The following PHLPP1 variants were observed in gnomAD, a reference collection of about 807,000 sequenced individuals.
The protein encoded by PHLPP1 is PH domain and leucine rich repeat protein phosphatase 1.
In PHLPP1, 42 loss-of-function variants were observed where a neutral mutation model predicts 117.2. The ratio of observed to expected loss-of-function variants is 0.36; its 90% confidence interval spans 0.28 to 0.46. The LOEUF (loss-of-function observed/expected upper bound fraction) is 0.46, where lower values mean the gene tolerates loss of function less well. Ranked by LOEUF, PHLPP1 falls within the 20% of genes least tolerant of loss-of-function variation. PHLPP1 has a pLI of 1.00. For synonymous variants in PHLPP1, 1,042 were observed against 970.7 expected, an observed-to-expected ratio of 1.07 and a Z score of -1.37; for missense variants, 2,084 against 2,241.9, an observed-to-expected ratio of 0.93 and a Z score of 1.42.
rs550277825 is a variant in PHLPP1, at chr18:62,833,831, T to TAACA, written c.1773+3602_1773+3605dup. 1.5e-3 allele frequency among the ~76,000 whole-genome samples: 228 copies of TAACA among 152,326 alleles called. 2 individuals carry two copies. The highest frequency in any genetic ancestry group is 5.1e-3 in the African/African-American group (211 of 41,578). ...TGCTTTCAGTTTGTTGTTGTTATAA[T>TAACA]AACAACAGTGCTGCTGCTATAGTCT... On this transcript the variant is annotated intron_variant, in intron 2 of 16. Coordinates refer to ENST00000262719, the MANE Select transcript of PHLPP1 (RefSeq NM_194449.4).
chr18:62,949,344 G>A (rs1368096804), intron 12 of PHLPP1, among the ~76,000 whole-genome samples: 2 of 152,202 alleles, frequency 1.3e-5, no homozygotes, highest in Non-Finnish European at 2.9e-5. Context: ...GTACTGAGAT[G>A]TATGCTAAAA....
chr18:62,766,918 G>A (rs574814893), intron 1 of PHLPP1, among the ~76,000 whole-genome samples: 1 of 152,084 alleles, frequency 6.6e-6, no homozygotes, highest in African/African-American at 2.4e-5. Flanking sequence ...AAGATAAACT[G>A]TCTACAGATG....
chr18:62,869,401 T>A (rs773248686), intron 4 of PHLPP1, among the ~76,000 whole-genome samples: 4 of 152,176 alleles, frequency 2.6e-5, no homozygotes, highest in Non-Finnish European at 5.9e-5. Context: ...GTGTATAACT[T>A]GATGGATTTC....
intron 2 of PHLPP1, among the ~76,000 whole-genome samples, chr18:62,837,385 CTCT>C (rs1914934831): frequency 6.6e-6 from 1 of 152,076 alleles, no homozygotes; most frequent in Non-Finnish European, 1.5e-5. Flanking sequence ...TCATAATATT[CTCT>C]TCTTAATCTC....
intron 3 of PHLPP1, among the ~76,000 whole-genome samples, chr18:62,857,942 C>T (rs1008700555): frequency 6.6e-6 from 1 of 152,200 alleles, no homozygotes; most frequent in African/African-American, 2.4e-5. Flanking sequence ...TTTCTATAAA[C>T]AGGTTCCCAT....
chr18:62,766,076 A>AAATATATATATATAT, intron 1 of PHLPP1, among the ~76,000 whole-genome samples: 19 of 21,654 alleles, frequency 8.8e-4, no homozygotes, highest in South Asian at 7.0e-3. Context: ...AAAAAAAAAA[A>AAATATATATATATAT]ATATATATAT....
At chr18:62,824,593 T>G (rs1175060626) in intron 1 of PHLPP1, among the ~76,000 whole-genome samples, 1 of 152,066 alleles carries the variant, frequency 6.6e-6, no homozygotes, top group Admixed American at 6.6e-5. Flanking sequence ...ATATCTTATT[T>G]TATACTTTAT....
chr18:62,788,878 G>C (rs1339115908), intron 1 of PHLPP1, among the ~76,000 whole-genome samples: 2 of 151,692 alleles, frequency 1.3e-5, no homozygotes, highest in Admixed American at 6.6e-5. Context: ...TTTTTCTGTT[G>C]TGCAAAGGGA....
At position 62,716,305 on chromosome 18, in the gene PHLPP1, G is replaced by A. The variant is rs1392562371; in HGVS notation, c.622G>A (p.Asp208Asn). 24 of 1,531,200 alleles carry A rather than the reference G, an allele frequency of 1.6e-5. 1 individual carries two copies. Among genetic ancestry groups the A allele is most frequent in the Non-Finnish European group, 1.8e-5 (21 of 1,145,318 alleles). The allele number at this position is 1,531,200 out of a possible 1,614,324, so 94.9% of individuals were successfully genotyped here. ...QLQRGCVHVF[D>N]RHMASTYLRP... ...CCAGCGCGGCTGCGTGCACGTCTTC[G>A]ACCGCCACATGGCCTCGACCTACCT... The change falls in exon 1 of 17, where the codon GAC (aspartate) becomes AAC (asparagine). Residue 208 changes from aspartate to asparagine, a missense_variant. Transcript: ENST00000262719. This position sits in a 1 kb window ranked among gnomAD's most constrained non-coding sequence, Gnocchi z 5.7.
At position 62,979,084 on chromosome 18, in the gene PHLPP1, G is replaced by A; in HGVS notation, c.4807G>A (p.Glu1603Lys). 2.5e-6 allele frequency: 4 copies of A among 1,613,914 alleles called. No homozygotes were observed. The highest frequency in any genetic ancestry group is 1.7e-5 in the Admixed American group (1 of 60,014). Reference protein sequence around the residue: ...EGIVISANEDEPGLPRKADFS... With the variant: ...EGIVISANEDKPGLPRKADFS... ...CATTGTCATCAGCGCCAACGAGGAT[G>A]AGCCAGGTCTGCCCAGGAAGGCAGA... Residue 1603 changes from glutamate to lysine, a missense_variant, in exon 17 of 17, where the codon GAG (glutamate) becomes AAG (lysine). By Grantham distance (56) the Glu-to-Lys change is moderately conservative. Transcript: ENST00000262719.
chr18:62,871,335 TG>T (rs1915895452), intron 4 of PHLPP1, among the ~76,000 whole-genome samples: 3 of 152,108 alleles, frequency 2.0e-5, no homozygotes. Context: ...TTTTTGTTTT[TG>T]TTTTTTTTGA....
intron 1 of PHLPP1, among the ~76,000 whole-genome samples, chr18:62,721,993 T>A (rs1334806395): frequency 6.6e-6 from 1 of 152,202 alleles, no homozygotes; most frequent in Non-Finnish European, 1.5e-5. Flanking sequence ...TGAATTTAAT[T>A]TGTGGAATTT....
chr18:62,884,378 A>G (rs1053744101), intron 4 of PHLPP1, among the ~76,000 whole-genome samples: 2 of 152,250 alleles, frequency 1.3e-5, no homozygotes, highest in Admixed American at 1.3e-4. Context: ...ATGTGCTTCT[A>G]TAGTTGGACT....
intron 16 of PHLPP1, among the ~76,000 whole-genome samples, chr18:62,976,758 G>T (rs931286431): frequency 6.6e-6 from 1 of 152,116 alleles, no homozygotes; most frequent in Non-Finnish European, 1.5e-5. Flanking sequence ...TTCTCTACTG[G>T]ACTATAAGCT....
intron 10 of PHLPP1, among the ~76,000 whole-genome samples, chr18:62,937,258 G>A (rs1395283420): frequency 6.6e-6 from 1 of 152,238 alleles, no homozygotes; most frequent in Non-Finnish European, 1.5e-5. Context: ...AAATGGATTT[G>A]TCTCACTGTT....
chr18:62,807,933 G>A (rs1336975875), intron 1 of PHLPP1, among the ~76,000 whole-genome samples: 1 of 151,990 alleles, frequency 6.6e-6, no homozygotes, highest in Admixed American at 6.6e-5. Context: ...TATAAACACT[G>A]GACACTTAGG....
intron 10 of PHLPP1, among the ~76,000 whole-genome samples, chr18:62,935,115 A>G (rs1407017077): frequency 6.6e-6 from 1 of 152,248 alleles, no homozygotes; most frequent in African/African-American, 2.4e-5. Context: ...TTAACATGAT[A>G]GTATACTTGG....
chr18:62,874,263 T>G (rs1915980236), intron 4 of PHLPP1, among the ~76,000 whole-genome samples: 1 of 151,498 alleles, frequency 6.6e-6, no homozygotes, highest in African/African-American at 2.4e-5. Flanking sequence ...ATCCCAGCAC[T>G]TTGGGAGGCC....
chr18:62,754,589 C>G (rs560785184), intron 1 of PHLPP1, among the ~76,000 whole-genome samples: 1 of 152,156 alleles, frequency 6.6e-6, no homozygotes, highest in Non-Finnish European at 1.5e-5. Flanking sequence ...GAGAAAGCTT[C>G]GTGTACTTTG....
Sources: gnomAD v4.1 joint callset for allele counts (sites outside exome capture counted in the v4.1 genomes callset) on GRCh38, gnomAD v4.1.1 for gene constraint, Gnocchi (gnomAD v3.1) non-coding constraint, MANE v1.5 for transcripts, NCBI Gene and HGNC (gene_info 2026-07-23, HGNC 2026-07-21) for gene names.